The following MRRF variants were observed in gnomAD, a reference collection of about 807,000 sequenced individuals.
MRRF encodes the protein mitochondrial ribosome recycling factor, also known as ribosome-recycling factor, mitochondrial.
MRRF carries 18 observed loss-of-function variants against 25.1 expected under a neutral mutation model. The observed-to-expected ratio is 0.72, with a 90% CI of 0.50 to 1.06. The LOEUF (loss-of-function observed/expected upper bound fraction) is 1.06, where lower values mean the gene tolerates loss of function less well. MRRF is among the 50% of genes least tolerant of loss of function. MRRF has a pLI of 0.00. For synonymous variants in MRRF, 113 were observed against 112.1 expected (o/e 1.01, Z -0.05); for missense variants, 323 against 319.3 (o/e 1.01, Z -0.09).
chr9:122,294,834 A>G (rs1311205735), intron 5 of MRRF, among the ~76,000 whole-genome samples: 1 of 152,206 alleles, frequency 6.6e-6, no homozygotes, highest in Non-Finnish European at 1.5e-5. Flanking sequence ...AAGTGGTATG[A>G]TTTCCTTAAA....
chr9:122,268,826 G>A (rs563381513), intron 1 of MRRF, among the ~76,000 whole-genome samples: 34 of 152,098 alleles, frequency 2.2e-4, no homozygotes, highest in Admixed American at 7.2e-4. Flanking sequence ...AAATTCCATC[G>A]CGAGAAATGA....
At position 122,270,991 on chromosome 9, in the gene MRRF, G is replaced by A; in HGVS notation, c.100G>A (p.Val34Met). ...CGTTTCAGAAGTTACACTGAAGACA[G>A]TGCATGAAAGACAACATGGCCATAG... ...RPVSEVTLKTVHERQHGHRQY... is the reference protein window; with the variant it reads ...RPVSEVTLKTMHERQHGHRQY... The change falls in exon 2 of 7, where the codon GTG becomes ATG. Residue 34 changes from valine to methionine, a missense_variant. Val to Met is a conservative substitution (Grantham distance 21). Transcript: ENST00000344641. 1 of 1,614,192 alleles carries A rather than the reference G, an allele frequency of 6.2e-7. No individual in the cohort carries two copies. The highest frequency in any genetic ancestry group is 8.5e-7 in the Non-Finnish European group (1 of 1,180,022).
At chr9:122,301,616 T>C (rs144297850) in intron 5 of MRRF, among the ~76,000 whole-genome samples, 95 of 152,282 alleles carry the variant, frequency 6.2e-4, no homozygotes, top group Middle Eastern at 3.4e-3. Context: ...AGTATAGGTC[T>C]GACACCAGTG....
At chr9:122,310,690 C>G (rs1835148735) in intron 5 of MRRF, among the ~76,000 whole-genome samples, 1 of 152,188 alleles carries the variant, frequency 6.6e-6, no homozygotes, top group African/African-American at 2.4e-5. Context: ...GCTCCTTGGT[C>G]TGGCCCAAGA....
intron 2 of MRRF, among the ~76,000 whole-genome samples, chr9:122,276,734 T>C (rs1014511800): frequency 2.6e-5 from 4 of 152,232 alleles, no homozygotes; most frequent in African/African-American, 4.8e-5. Flanking sequence ...ATTCTTTTTT[T>C]CTTGGGTGTA....
chr9:122,310,010 C>T (rs1271488521), intron 5 of MRRF, among the ~76,000 whole-genome samples: 1 of 152,218 alleles, frequency 6.6e-6, no homozygotes, highest in Admixed American at 6.5e-5. Flanking sequence ...ACAACAGCAG[C>T]AGAGACAGTT....
chr9:122,265,474 T>C, intron 1 of MRRF: 2 of 325,176 alleles, frequency 6.2e-6, no homozygotes, highest in South Asian at 4.9e-5. Context: ...GAGACGGAAG[T>C]CCTGAGAGTT....
At chr9:122,298,209 T>C (rs1834215324) in intron 5 of MRRF, among the ~76,000 whole-genome samples, 1 of 152,200 alleles carries the variant, frequency 6.6e-6, no homozygotes, top group Admixed American at 6.5e-5. Context: ...TTCTTCGTTT[T>C]TGTAGCAAAG....
intron 2 of MRRF, among the ~76,000 whole-genome samples, chr9:122,271,813 A>G (rs1832480798): frequency 6.6e-6 from 1 of 152,218 alleles, no homozygotes; most frequent in Non-Finnish European, 1.5e-5. Flanking sequence ...AGAATGAGTG[A>G]TAGAAAATTG....
chr9:122,300,122 G>T (rs1834359029), intron 5 of MRRF, among the ~76,000 whole-genome samples: 1 of 152,172 alleles, frequency 6.6e-6, no homozygotes, highest in Admixed American at 6.5e-5. Context: ...CAGGCTGATG[G>T]GGCGTTCCTG....
At chr9:122,292,110 T>C (rs1206073401) in intron 5 of MRRF, among the ~76,000 whole-genome samples, 1 of 152,172 alleles carries the variant, frequency 6.6e-6, no homozygotes, top group Non-Finnish European at 1.5e-5. Context: ...GACAAATAAA[T>C]AAAGTCATTC....
intron 1 of MRRF, 30 bp from the exon 2 acceptor site, chr9:122,270,834 T>G: frequency 6.4e-7 from 1 of 1,555,080 alleles, no homozygotes; most frequent in South Asian, 1.1e-5. Context: ...ATCTTTTACT[T>G]AGATCTGCTT....
At chr9:122,291,636 CAG>C (rs1833775990) in intron 4 of MRRF, 111 bp from the exon 5 acceptor site, 1 of 798,478 alleles carries the variant, frequency 1.3e-6, no homozygotes, top group East Asian at 2.5e-5. Context: ...TTACTGGTAA[CAG>C]AACTAAATGT....
chr9:122,285,485 G>A (rs933887631), intron 4 of MRRF, 198 bp downstream of exon 4: 1 of 594,630 alleles, frequency 1.7e-6, no homozygotes, highest in African/African-American at 1.9e-5. Context: ...ACAGAGGCTA[G>A]GTAAGTTGTT....
intron 6 of MRRF, among the ~76,000 whole-genome samples, chr9:122,317,258 A>AT (rs1274962884): frequency 6.6e-6 from 1 of 151,958 alleles, no homozygotes; most frequent in Non-Finnish European, 1.5e-5. Flanking sequence ...TGAACCTAGA[A>AT]TTTTTTATCT....
At position 122,270,687 on chromosome 9, in the gene MRRF, C is replaced by G. The variant is rs1832391449; in HGVS notation, c.-28-177C>G. The G allele has an allele frequency of 6.9e-6, 4 of 582,954 alleles. No homozygotes were observed. The South Asian group carries it at 7.8e-5, about 11-fold the overall frequency. The allele number at this position is 582,954 out of a possible 1,614,324, so 36.1% of individuals were successfully genotyped here. On this transcript the variant is annotated intron_variant, in intron 1 of 6. Coordinates refer to ENST00000344641, the MANE Select transcript of MRRF (RefSeq NM_138777.5). ...AGTTTCTTCATTCTGTAAAATGAGG[C>G]AAATAATATTTTCTTCTAGGGCTGT... is the stretch of plus-strand genomic sequence containing the variant.
intron 5 of MRRF, 82 bp downstream of exon 5, chr9:122,291,922 C>T (rs1588042616): frequency 7.5e-6 from 7 of 933,944 alleles, no homozygotes; most frequent in Non-Finnish European, 1.1e-5. Flanking sequence ...CCTACTATAC[C>T]GTTAGGCCAA....
At chr9:122,305,539 G>C (rs1388369649) in intron 5 of MRRF, among the ~76,000 whole-genome samples, 2 of 152,102 alleles carry the variant, frequency 1.3e-5, no homozygotes, top group Non-Finnish European at 2.9e-5. Flanking sequence ...GATTTACTGA[G>C]CTAATGCATG....
intron 4 of MRRF, among the ~76,000 whole-genome samples, chr9:122,290,639 C>T (rs1833703352): frequency 6.6e-6 from 1 of 152,200 alleles, no homozygotes; most frequent in Non-Finnish European, 1.5e-5. Flanking sequence ...AGCTCAAGTG[C>T]AGGAATTGGC....
Sources: gnomAD v4.1 joint callset for allele counts (sites outside exome capture counted in the v4.1 genomes callset) on GRCh38, gnomAD v4.1.1 for gene constraint, MANE v1.5 for transcripts, NCBI Gene and HGNC (gene_info 2026-07-23, HGNC 2026-07-21) for gene names.